OGT: variants seen among roughly 807,000 people sequenced by gnomAD.
OGT encodes the protein UDP-N-acetylglucosamine--peptide N-acetylglucosaminyltransferase 110 kDa subunit.
In OGT, 3 loss-of-function variants were observed where a neutral mutation model predicts 75.8. The observed-to-expected ratio is 0.04, with a 90% confidence interval of 0.02 to 0.10. The LOEUF is 0.10. Among genes scored for constraint, OGT ranks in the 10% least tolerant of loss-of-function variants. OGT has a pLI of 1.00. For synonymous variants in OGT, 257 were observed against 289.7 expected (o/e 0.89, Z 1.15); for missense variants, 260 against 824.4 (o/e 0.32, Z 8.38).
At chrX:71,562,822 C>G (rs767475454) in intron 15 of OGT, 25 bp from the exon 16 acceptor site, 20 of 1,155,516 alleles carry the variant, frequency 1.7e-5, no homozygotes, top group Non-Finnish European at 2.2e-5. Context: ...AGTTCTTAAT[C>G]AGTTTTTGAT....
intron 3 of OGT, among the ~76,000 whole-genome samples, chrX:71,544,073 A>T (rs2147672504): frequency 9.1e-6 from 1 of 110,436 alleles, no homozygotes; most frequent in Admixed American, 9.8e-5. Context: ...GGCATGAGCC[A>T]CCACGCCCGG....
intron 3 of OGT, among the ~76,000 whole-genome samples, chrX:71,542,497 G>C (rs1252398666): frequency 1.5e-4 from 17 of 112,209 alleles, no homozygotes; most frequent in Non-Finnish European, 7.5e-5. Context: ...AATGGATCTA[G>C]ATGATAACAA....
At chrX:71,534,892 C>T (rs934253788) in intron 1 of OGT, among the ~76,000 whole-genome samples, 1 of 111,701 alleles carries the variant, frequency 9.0e-6, no homozygotes, top group African/African-American at 3.3e-5. Context: ...ATGCAAGTCT[C>T]AATGCTCTTT....
Position 71,563,217 on chromosome X carries a change from G to A in OGT, c.2236G>A (p.Asp746Asn). 8 of 1,210,342 alleles carry A rather than the reference G, an allele frequency of 6.6e-6. No individual in the cohort carries two copies. Among genetic ancestry groups the A allele is most frequent in the Non-Finnish European group, 8.9e-6 (8 of 894,066 alleles). The change falls in exon 17 of 22, where the codon GAT (aspartate) becomes AAT (asparagine). Residue 746 changes from aspartate to asparagine, a missense_variant. Around this residue, in one of 6 missense-constraint regions of OGT, gnomAD observed 79 missense variants for 141.0 expected, o/e 0.56. Transcript: ENST00000373719. ...TGGCATCGACCTCAAAGCATTTCTTGATAGTCTACCAGATGTGAAAATTGT... is the reference window on the plus strand; with the variant it reads ...TGGCATCGACCTCAAAGCATTTCTTAATAGTCTACCAGATGTGAAAATTGT... Reference protein sequence around the residue: ...LNGIDLKAFLDSLPDVKIVKM... With the variant: ...LNGIDLKAFLNSLPDVKIVKM...
intron 14 of OGT, among the ~76,000 whole-genome samples, chrX:71,561,267 T>A (rs2040382177): frequency 9.0e-6 from 1 of 110,530 alleles, no homozygotes; most frequent in East Asian, 2.9e-4. Flanking sequence ...TTTACTCTAG[T>A]TCTTCATTCA....
intron 5 of OGT, among the ~76,000 whole-genome samples, chrX:71,548,823 G>A (rs776895775): frequency 7.2e-4 from 80 of 111,086 alleles, no homozygotes; most frequent in Non-Finnish European, 7.0e-4. Context: ...CACTACCTGA[G>A]TGACAAAATC....
At chrX:71,545,604 G>C (rs2040253927) in intron 4 of OGT, 1 of 112,438 alleles carries the variant, frequency 8.9e-6, no homozygotes, top group African/African-American at 3.2e-5. Context: ...TGGAGTGTAT[G>C]CGCAGAGTAG....
intron 9 of OGT, 43 bp from the exon 10 acceptor site, chrX:71,556,909 G>T: frequency 8.5e-7 from 1 of 1,183,160 alleles, no homozygotes; most frequent in Non-Finnish European, 1.1e-6. Flanking sequence ...GTGGGTTAAA[G>T]ATTTTTGTAT....
At chrX:71,566,398 G>T (rs2040416569) in intron 19 of OGT, among the ~76,000 whole-genome samples, 1 of 111,953 alleles carries the variant, frequency 8.9e-6, no homozygotes, top group Non-Finnish European at 1.9e-5. Context: ...GTTCCGCGTG[G>T]CTATGGAGGC....
chrX:71,570,083 C>A (rs1053686032), intron 21 of OGT, among the ~76,000 whole-genome samples: 1 of 78,444 alleles, frequency 1.3e-5, no homozygotes, highest in Non-Finnish European at 2.3e-5. Flanking sequence ...CACTGTTGCC[C>A]GGGCTGAAGT....
intron 4 of OGT, chrX:71,546,774 G>C (rs2040262297): frequency 1.3e-6 from 1 of 753,182 alleles, no homozygotes; most frequent in South Asian, 6.8e-5. Context: ...TTCTGATGAT[G>C]CGCTGTGACC....
intron 1 of OGT, chrX:71,534,329 G>C (rs1180048347): frequency 2.7e-5 from 3 of 111,154 alleles, no homozygotes; most frequent in Non-Finnish European, 5.6e-5. Flanking sequence ...AGCTGCACAA[G>C]TACAAGGCGG....
At chrX:71,569,172 C>CA (rs2040436892) in intron 21 of OGT, among the ~76,000 whole-genome samples, 1 of 110,949 alleles carries the variant, frequency 9.0e-6, no homozygotes, top group East Asian at 2.9e-4. Flanking sequence ...ACTAAAAATA[C>CA]AAAAAATTAG....
Position 71,536,222 on chromosome X carries a change from G to T in OGT, c.82G>T (p.Ala28Ser). 1 of 1,209,148 alleles carries T rather than the reference G, an allele frequency of 8.3e-7. No individual in the cohort carries two copies. The highest frequency in any genetic ancestry group is 1.1e-6 in the Non-Finnish European group (1 of 894,330). ...MLSFQGLAEL[A>S]HREYQAGDFE... is the part of the protein sequence containing the mutation. The stretch of plus-strand genomic sequence containing the variant: ...TTCCTTCCAAGGGTTAGCTGAGTTG[G>T]CACATCGAGAATATCAGGCAGGAGA... The change falls in exon 2 of 22, where the codon GCA (alanine) becomes TCA (serine). Residue 28 changes from alanine (A) to serine (S), a missense_variant. Ala to Ser is a moderately conservative substitution (Grantham distance 99). Coordinates refer to ENST00000373719, the MANE Select transcript of OGT (RefSeq NM_181672.3).
At chrX:71,556,468 A>G in intron 8 of OGT, 2 of 367,153 alleles carry the variant, frequency 5.4e-6, no homozygotes, top group Non-Finnish European at 9.4e-6. Flanking sequence ...AGGATAAACT[A>G]AGAGGAGAAG....
At chrX:71,563,636 A>G (rs979353840) in intron 18 of OGT, 137 bp downstream of exon 18, 2 of 486,874 alleles carry the variant, frequency 4.1e-6, no homozygotes, top group African/African-American at 4.9e-5. Flanking sequence ...GGAAACGTGC[A>G]TCTTATATAG....
chrX:71,557,381 G>A (rs1284096512), intron 11 of OGT, 85 bp downstream of exon 11: 1 of 1,055,864 alleles, frequency 9.5e-7, no homozygotes, highest in African/African-American at 1.9e-5. Flanking sequence ...AAGCCTGACT[G>A]GAAATAGTAT....
At chrX:71,573,484 G>A (rs2040471610) in intron 21 of OGT, 136 bp from the exon 22 acceptor site, 4 of 471,377 alleles carry the variant, frequency 8.5e-6, no homozygotes, top group South Asian at 4.2e-5. Flanking sequence ...TTTTTAGCAC[G>A]AAGCCAATCA....
At chrX:71,563,043 G>A (rs768412817) in intron 16 of OGT, 26 bp downstream of exon 16, 3 of 1,190,649 alleles carry the variant, frequency 2.5e-6, no homozygotes, top group South Asian at 1.8e-5. Flanking sequence ...TGCTATGGAC[G>A]AATTTCAAAG....
Sources: allele counts gnomAD v4.1 joint callset (sites outside exome capture counted in the v4.1 genomes callset), GRCh38; gene constraint gnomAD v4.1.1; regional missense constraint gnomAD v4.1.1; transcripts MANE v1.5; gene names NCBI Gene and HGNC (gene_info 2026-07-23, HGNC 2026-07-21).